The following PALD1 variants were observed in gnomAD, a reference collection of about 807,000 sequenced individuals.
PALD1 encodes paladin.
PALD1 carries 57 observed loss-of-function variants against 96.0 expected under a neutral mutation model. The ratio of observed to expected loss-of-function variants is 0.59; its 90% CI spans 0.48 to 0.74. The LOEUF (loss-of-function observed/expected upper bound fraction) is 0.74. PALD1 is among the 30% of genes least tolerant of loss of function. The pLI, the probability that PALD1 is intolerant of heterozygous loss-of-function variation, is 0.00. For missense variants in PALD1, 1,063 were observed against 1,143.7 expected (o/e 0.93, Z 1.02); for synonymous variants, 464 against 473.6 (o/e 0.98, Z 0.26).
chr10:70,544,916 A>T (rs1180162924), intron 17 of PALD1, among the ~76,000 whole-genome samples: 2 of 152,202 alleles, frequency 1.3e-5, no homozygotes, highest in Non-Finnish European at 2.9e-5. Flanking sequence ...GGTGCCCAGC[A>T]CCAGGCCAGG....
the PALD1 span, among the ~76,000 whole-genome samples, chr10:70,462,756 G>A: frequency 5.3e-5 from 8 of 152,244 alleles, no homozygotes; most frequent in African/African-American, 1.9e-4. Flanking sequence ...TGCCATGGCA[G>A]CAGGTGACTG....
In PALD1 at chr10:70,525,873, C is replaced by A. The variant is rs1467221849; in HGVS notation, c.-29-50C>A. 85 of 1,467,344 alleles carry A rather than the reference C, an allele frequency of 5.8e-5. 3 individuals are homozygous for A. The South Asian group carries it at 9.6e-4, about 17-fold the overall frequency. The allele number at this position is 1,467,344 out of a possible 1,614,324, so 90.9% of individuals were successfully genotyped here. A position where few individuals can be genotyped will look rare whatever the true frequency, so the allele number is the denominator to read the frequency against. On this transcript the variant is annotated intron_variant, in intron 1 of 19. Coordinates refer to ENST00000263563, the MANE Select transcript of PALD1 (RefSeq NM_014431.3). ...GGCGAGAGGTGGGTCAGGTCTCCTG[C>A]TGTGGATTTTCCCATCCCCTCCTTC...
At chr10:70,516,875 A>C (rs963438054) in intron 1 of PALD1, among the ~76,000 whole-genome samples, 4 of 148,080 alleles carry the variant, frequency 2.7e-5, no homozygotes, top group African/African-American at 9.8e-5. Context: ...ATTGTTAATG[A>C]GATATTTTAC....
intron 18 of PALD1, among the ~76,000 whole-genome samples, chr10:70,555,857 C>T (rs933617375): frequency 5.3e-5 from 8 of 152,196 alleles, no homozygotes; most frequent in South Asian, 2.1e-4. Context: ...AAAAATTAGC[C>T]GCGCGAGGTG....
chr10:70,500,551 G>A (rs1279963652), intron 1 of PALD1, among the ~76,000 whole-genome samples: 5 of 152,082 alleles, frequency 3.3e-5, no homozygotes, highest in Admixed American at 2.6e-4. Flanking sequence ...TCCCCCTTCC[G>A]GTCTATCAAA....
intron 18 of PALD1, among the ~76,000 whole-genome samples, chr10:70,556,279 C>A (rs1027946812): frequency 7.8e-6 from 1 of 128,652 alleles, no homozygotes; most frequent in Non-Finnish European, 1.7e-5. Context: ...GTAGCCGAGA[C>A]CTCTCTCTCT....
Position 70,566,678 on chromosome 10 carries a change from G to A in PALD1, c.2516G>A (p.Arg839Gln), listed in dbSNP as rs781675921. Residue 839 changes from arginine (R) to glutamine (Q), a missense_variant, in exon 20 of 20, where the codon CGG becomes CAG. Physicochemically the swap from Arg to Gln is conservative, Grantham distance 43. Coordinates refer to ENST00000263563, the MANE Select transcript of PALD1 (RefSeq NM_014431.3). ...EDQPFSRLRY[R>Q]WQEQSCSLEP... ...CAGCCCTTCTCCAGGCTGCGCTACC[G>A]GTGGCAGGAGCAGAGCTGCAGCCTC... The A allele has an allele frequency of 5.0e-6, 8 of 1,608,544 alleles. No individual in the cohort carries two copies. The Admixed American group carries it at 5.0e-5, about 10-fold the overall frequency.
chr10:70,504,086 A>G (rs1282785770), intron 1 of PALD1, among the ~76,000 whole-genome samples: 2 of 152,208 alleles, frequency 1.3e-5, no homozygotes, highest in African/African-American at 4.8e-5. Flanking sequence ...GAGTAAGGCA[A>G]GGGTTATGAA....
chr10:70,474,351 A>G (rs1162200398), upstream of PALD1, among the ~76,000 whole-genome samples: 4 of 152,186 alleles, frequency 2.6e-5, no homozygotes, highest in South Asian at 2.1e-4. Context: ...ACCTGAGGTC[A>G]GGAGTTTGAG....
chr10:70,532,958 G>C, intron 6 of PALD1, 37 bp from the exon 7 acceptor site: 2 of 1,553,742 alleles, frequency 1.3e-6, no homozygotes, highest in Non-Finnish European at 1.7e-6. Context: ...TCCCAGAGTG[G>C]GTGCCTGCCT....
intron 19 of PALD1, among the ~76,000 whole-genome samples, chr10:70,565,549 A>G (rs1461316270): frequency 6.6e-6 from 1 of 152,038 alleles, no homozygotes; most frequent in Non-Finnish European, 1.5e-5. Context: ...TGGGCACAGG[A>G]AGGGTATGGG....
chr10:70,465,897 T>C, the PALD1 span, among the ~76,000 whole-genome samples: 1 of 152,240 alleles, frequency 6.6e-6, no homozygotes, highest in Non-Finnish European at 1.5e-5. Context: ...GTTTCGTGGT[T>C]AACTTACTGT....
intron 1 of PALD1, among the ~76,000 whole-genome samples, chr10:70,506,981 T>C (rs1280172392): frequency 6.6e-6 from 1 of 152,182 alleles, no homozygotes; most frequent in African/African-American, 2.4e-5. Flanking sequence ...GACTGTATGT[T>C]GTACTGTGGG....
chr10:70,561,344 G>A (rs1296328549), intron 18 of PALD1, among the ~76,000 whole-genome samples: 1 of 152,262 alleles, frequency 6.6e-6, no homozygotes, highest in Non-Finnish European at 1.5e-5. Context: ...CGGTGGAACT[G>A]TGGGTGATTT....
In PALD1 at chr10:70,561,056, C is replaced by T. The variant is rs975103286; in HGVS notation, c.2263-3308C>T. Among the ~76,000 whole-genome samples, 6 of 152,254 alleles carry T rather than the reference C, an allele frequency of 3.9e-5. No individual in the cohort carries two copies. In the East Asian group the frequency reaches 7.7e-4, roughly 20 times the overall value. On this transcript the variant is annotated intron_variant, in intron 18 of 19. Coordinates refer to ENST00000263563, the MANE Select transcript of PALD1 (RefSeq NM_014431.3). Reference sequence around the variant, plus strand: ...GAACCTTCTGGGGGCGGGGGTCAGGCGTCACCTGTACACAGTGGTCTGAAT... The same window carrying T: ...GAACCTTCTGGGGGCGGGGGTCAGGTGTCACCTGTACACAGTGGTCTGAAT...
chr10:70,529,372 C>A, intron 3 of PALD1, 41 bp downstream of exon 3: 1 of 917,624 alleles, frequency 1.1e-6, no homozygotes, highest in Non-Finnish European at 1.8e-6. Context: ...CTGCTGCCTC[C>A]CACCCCTATC....
At chr10:70,508,084 G>T (rs376484441) in intron 1 of PALD1, among the ~76,000 whole-genome samples, 1 of 152,172 alleles carries the variant, frequency 6.6e-6, no homozygotes, top group East Asian at 1.9e-4. Context: ...GAGTGATTGG[G>T]GGGCTGGTGT....
chr10:70,561,387 T>C (rs962156121), intron 18 of PALD1, among the ~76,000 whole-genome samples: 1 of 152,226 alleles, frequency 6.6e-6, no homozygotes, highest in Non-Finnish European at 1.5e-5. Context: ...TGTTTTGAAA[T>C]AGGCTCCAGG....
At chr10:70,477,146 G>A (rs1845839004), upstream of PALD1, among the ~76,000 whole-genome samples, 1 of 152,174 alleles carries the variant, frequency 6.6e-6, no homozygotes, top group South Asian at 2.1e-4. Context: ...CCTCAGGATG[G>A]CAGGCTTCAG....
Sources: gnomAD v4.1 joint callset for allele counts (sites outside exome capture counted in the v4.1 genomes callset) on GRCh38, gnomAD v4.1.1 for gene constraint, MANE v1.5 for transcripts, NCBI Gene and HGNC (gene_info 2026-07-23, HGNC 2026-07-21) for gene names.